Variants in CKAP2 observed in about 807,000 individuals in gnomAD.
The protein encoded by CKAP2 is cytoskeleton associated protein 2.
CKAP2 carries 46 observed loss-of-function variants against 58.4 expected under a neutral mutation model. That is an observed-to-expected ratio of 0.79 (90% CI 0.62 to 1.01). The LOEUF is 1.01. Among genes scored for constraint, CKAP2 ranks in the 50% least tolerant of loss-of-function variants. The pLI is 0.00. For missense variants in CKAP2, 809 were observed against 796.4 expected, an observed-to-expected ratio of 1.02 and a Z score of -0.19; for synonymous variants, 293 against 280.9, an observed-to-expected ratio of 1.04 and a Z score of -0.43.
In CKAP2 at chr13:52,465,429, T is replaced by C; in HGVS notation, c.1440T>C (p.Ile480=). The C allele has an allele frequency of 6.2e-7, 1 of 1,613,554 alleles. No homozygotes were observed. Residue 480 remains isoleucine, a synonymous_variant, in exon 6 of 9, where the codon ATT becomes ATC. Coordinates refer to ENST00000258607, the MANE Select transcript of CKAP2 (RefSeq NM_018204.5). The part of the protein sequence containing the change: ...EPITSPIENI[I]AIYEKAILAG... ...TCACAAGTCCTATTGAAAATATTAT[T>C]GCAATCTATGAGAAAGCCATTCTGG...
At chr13:52,456,742 T>C in intron 2 of CKAP2, 135 bp downstream of exon 2, 1 of 654,716 alleles carries the variant, frequency 1.5e-6, no homozygotes, top group Non-Finnish European at 2.6e-6. Context: ...CATATTATTT[T>C]ACGTCTTTTT....
Position 52,475,043 on chromosome 13 carries a change from T to C in CKAP2, c.1951T>C (p.Leu651=), listed in dbSNP as rs1176741922. 1.8e-5 allele frequency: 29 copies of C among 1,614,104 alleles called. No individual in the cohort carries two copies. The highest frequency in any genetic ancestry group is 3.3e-5 in the South Asian group (3 of 91,092). The change falls in exon 9 of 9, where the codon TTG becomes CTG. Residue 651 remains leucine (L), a synonymous_variant. Coordinates refer to ENST00000258607, the MANE Select transcript of CKAP2 (RefSeq NM_018204.5). ...AGATCATTATCCTTGTGTGTCTTCA[T>C]TGGAACAGCTAACGGAGTTGGGAAG... The part of the protein sequence containing the change: ...LKDHYPCVSS[L]EQLTELGRET...
chr13:52,465,984 CAT>C (rs774081738), intron 6 of CKAP2: 26 of 247,814 alleles, frequency 1.0e-4, no homozygotes, highest in Middle Eastern at 3.2e-3. Context: ...TATATGCACA[CAT>C]ATATGCACAC....
chr13:52,465,889 G>A (rs1448515344), intron 6 of CKAP2: 10 of 279,242 alleles, frequency 3.6e-5, no homozygotes, highest in African/African-American at 1.5e-4. Context: ...GAGTAAACCC[G>A]AATGTACTCA....
chr13:52,462,424 G>A lies in CKAP2; in HGVS notation c.1162G>A (p.Val388Ile). ...AGTGCTAAAAAGGCCCCCTAATTCA[G>A]TAGTTACTCAGCATGAGCCTGCAGG... ...GRVLKRPPNS[V>I]VTQHEPAGQN... The change falls in exon 5 of 9, where the codon GTA (valine) becomes ATA (isoleucine). Residue 388 changes from valine (V) to isoleucine (I), a missense_variant. Val to Ile is a conservative substitution (Grantham distance 29). Coordinates refer to ENST00000258607, the MANE Select transcript of CKAP2 (RefSeq NM_018204.5). 6.2e-7 allele frequency: 1 copy of A among 1,614,106 alleles called. No homozygotes were observed. Among genetic ancestry groups the A allele is most frequent in the Non-Finnish European group, 8.5e-7 (1 of 1,180,018 alleles).
At chr13:52,470,740 C>CGT (rs767704261) in intron 7 of CKAP2, among the ~76,000 whole-genome samples, 14 of 152,080 alleles carry the variant, frequency 9.2e-5, no homozygotes, top group Non-Finnish European at 1.6e-4. Context: ...AGGGAACATA[C>CGT]AGAACATCTA....
rs768891857 is a variant in CKAP2, at chr13:52,461,393, A to G, written c.567A>G (p.Ser189=). The G allele has an allele frequency of 2.5e-6, 4 of 1,614,250 alleles. No homozygotes were observed. The highest frequency in any genetic ancestry group is 3.4e-6 in the Non-Finnish European group (4 of 1,180,040). Residue 189 remains serine, a synonymous_variant, in exon 4 of 9, where the codon TCA becomes TCG. Transcript: ENST00000258607. ...AGATTGTTCAGTCTAAGATTAATTC[A>G]TTTAGAAAACCTCTACAAGTCAAAG... The part of the protein sequence containing the change: ...RGQIVQSKIN[S]FRKPLQVKDE...
At chr13:52,473,718 A>C in intron 7 of CKAP2, 111 bp from the exon 8 acceptor site, 1 of 912,962 alleles carries the variant, frequency 1.1e-6, no homozygotes, top group Non-Finnish European at 1.7e-6. Context: ...AGAGATGGCA[A>C]TCGTGTTCTT....
At chr13:52,474,598 A>C (rs1555260652) in intron 8 of CKAP2, among the ~76,000 whole-genome samples, 2 of 152,254 alleles carry the variant, frequency 1.3e-5, no homozygotes, top group Non-Finnish European at 2.9e-5. Context: ...TTTGAAAAAG[A>C]AAACTTTTAT....
intron 5 of CKAP2, among the ~76,000 whole-genome samples, chr13:52,463,647 T>A (rs1195414977): frequency 6.6e-6 from 1 of 152,168 alleles, no homozygotes; most frequent in East Asian, 1.9e-4. Context: ...TTTTACACCG[T>A]GTTTTATTTT....
intron 5 of CKAP2, among the ~76,000 whole-genome samples, chr13:52,464,281 G>C (rs1272903955): frequency 6.6e-6 from 1 of 152,010 alleles, no homozygotes; most frequent in Non-Finnish European, 1.5e-5. Context: ...GGTCAGGTGG[G>C]GTGGCTCACG....
intron 6 of CKAP2, among the ~76,000 whole-genome samples, chr13:52,466,161 C>T (rs1254789876): frequency 6.6e-6 from 1 of 151,972 alleles, no homozygotes; most frequent in Non-Finnish European, 1.5e-5. Flanking sequence ...CGATACCATA[C>T]TCCTTATCTC....
intron 6 of CKAP2, among the ~76,000 whole-genome samples, chr13:52,467,819 T>G (rs1958702889): frequency 6.6e-6 from 1 of 151,680 alleles, no homozygotes; most frequent in African/African-American, 2.4e-5. Flanking sequence ...GTTTTTGTTT[T>G]TTTTTTTTGA....
intron 2 of CKAP2, among the ~76,000 whole-genome samples, chr13:52,459,144 AC>A (rs933257846): frequency 5.9e-5 from 9 of 152,082 alleles, no homozygotes; most frequent in African/African-American, 2.2e-4. Flanking sequence ...CTACTAAGAT[AC>A]CCTGTTAAGT....
At chr13:52,462,693 T>A (rs1958605245) in intron 5 of CKAP2, 126 bp downstream of exon 5, 2 of 696,630 alleles carry the variant, frequency 2.9e-6, no homozygotes, top group Admixed American at 3.1e-5. Flanking sequence ...TGACTTAACA[T>A]TAACTGTGAG....
chr13:52,475,034 G>T lies in CKAP2; in HGVS notation c.1942G>T (p.Val648Leu). 6.2e-7 allele frequency: 1 copy of T among 1,614,198 alleles called. No individual in the cohort carries two copies. Among genetic ancestry groups the T allele is most frequent in the South Asian group, 1.1e-5 (1 of 91,084 alleles). Residue 648 changes from valine to leucine, a missense_variant, in exon 9 of 9, where the codon GTG becomes TTG. Val to Leu is a conservative substitution (Grantham distance 32, BLOSUM62 1). Transcript: ENST00000258607. ...PDMLKDHYPC[V>L]SSLEQLTELG... ...TATGTTAAAAGATCATTATCCTTGTGTGTCTTCATTGGAACAGCTAACGGA... is the reference window on the plus strand; with the variant it reads ...TATGTTAAAAGATCATTATCCTTGTTTGTCTTCATTGGAACAGCTAACGGA...
chr13:52,461,492 C>T lies in CKAP2; in HGVS notation c.666C>T (p.Thr222=), dbSNP rs1958578803. 1.9e-6 allele frequency: 3 copies of T among 1,613,966 alleles called. No individual in the cohort carries two copies. The highest frequency in any genetic ancestry group is 1.7e-6 in the Non-Finnish European group (2 of 1,180,012). Residue 222 remains threonine, a synonymous_variant, in exon 4 of 9, where the codon ACC becomes ACT. Coordinates refer to ENST00000258607, the MANE Select transcript of CKAP2 (RefSeq NM_018204.5). The part of the protein sequence containing the change: ...PKATKPQPVN[T]SSVTVKSNRS... ...CCACAAAACCTCAGCCTGTAAACAC[C>T]AGCAGTGTAACAGTGAAAAGTAATA...
chr13:52,464,427 C>T (rs545155736), intron 5 of CKAP2, among the ~76,000 whole-genome samples: 1 of 151,968 alleles, frequency 6.6e-6, no homozygotes, highest in Non-Finnish European at 1.5e-5. Context: ...GAGGCGGGTG[C>T]CTGTAATCTC....
At chr13:52,469,641 C>T (rs1301921430) in intron 7 of CKAP2, among the ~76,000 whole-genome samples, 1 of 146,298 alleles carries the variant, frequency 6.8e-6, no homozygotes, top group African/African-American at 2.5e-5. Flanking sequence ...CCAGGCCAGA[C>T]TGCGGACTGC....
Sources: allele counts gnomAD v4.1 joint callset (sites outside exome capture counted in the v4.1 genomes callset), GRCh38; gene constraint gnomAD v4.1.1; transcripts MANE v1.5; gene names NCBI Gene and HGNC (gene_info 2026-07-23, HGNC 2026-07-21).